Variants in ARID1B observed in about 807,000 individuals in gnomAD.
ARID1B encodes AT-rich interactive domain-containing protein 1B.
ARID1B carries 30 observed loss-of-function variants against 212.3 expected under a neutral mutation model. That is an observed-to-expected ratio of 0.14 (90% CI 0.11 to 0.19). The LOEUF (loss-of-function observed/expected upper bound fraction) is 0.19, where lower values mean the gene tolerates loss of function less well. Among genes scored for constraint, ARID1B ranks in the 10% least tolerant of loss-of-function variants. The probability of loss-of-function intolerance (pLI) is 1.00; values close to 1 mark genes in which losing one functional copy is unlikely to be tolerated. For missense variants in ARID1B, 2,891 were observed against 3,204.0 expected, an observed-to-expected ratio of 0.90 and a Z score of 2.36; for synonymous variants, 1,402 against 1,301.7, an observed-to-expected ratio of 1.08 and a Z score of -1.66.
intron 4 of ARID1B, among the ~76,000 whole-genome samples, chr6:157,005,132 T>TTTGTTGTTG (rs150174504): frequency 1.3e-4 from 20 of 148,942 alleles, no homozygotes; most frequent in East Asian, 9.9e-4. Flanking sequence ...CAGGCTGTTT[T>TTTGTTGTTG]TTGTTGTTGT....
chr6:156,836,473 A>G (rs1783519958), intron 2 of ARID1B, among the ~76,000 whole-genome samples: 2 of 152,258 alleles, frequency 1.3e-5, no homozygotes, highest in South Asian at 4.2e-4. Context: ...CAAAGGAATG[A>G]AATGGGCCCA....
At chr6:157,056,278 C>CT (rs538142438) in intron 4 of ARID1B, among the ~76,000 whole-genome samples, 9 of 151,958 alleles carry the variant, frequency 5.9e-5, no homozygotes, top group African/African-American at 1.2e-4. Flanking sequence ...ATACAAAGGT[C>CT]TTTTTTTTAC....
intron 1 of ARID1B, among the ~76,000 whole-genome samples, chr6:156,800,603 CAAATA>C (rs1780709197): frequency 6.6e-6 from 1 of 151,888 alleles, no homozygotes; most frequent in South Asian, 2.1e-4. Context: ...GAAAAAAAAG[CAAATA>C]AAATAAATTA....
intron 7 of ARID1B, among the ~76,000 whole-genome samples, chr6:157,144,133 A>G (rs1355684476): frequency 6.6e-6 from 1 of 152,236 alleles, no homozygotes; most frequent in Non-Finnish European, 1.5e-5. Flanking sequence ...GAGGTAGGGT[A>G]CAGAGTAACT....
chr6:156,974,700 A>G (rs1777120555), intron 4 of ARID1B, among the ~76,000 whole-genome samples: 1 of 152,232 alleles, frequency 6.6e-6, no homozygotes, highest in Admixed American at 6.5e-5. Context: ...ACATGGAACA[A>G]TAGAATTTAT....
At chr6:157,184,735 G>C (rs548718450) in intron 13 of ARID1B, 2 of 429,092 alleles carry the variant, frequency 4.7e-6, no homozygotes, top group East Asian at 9.5e-5. Context: ...GCTTATACAA[G>C]TATTCAAAAA....
At chr6:157,116,911 G>C (rs1787353481) in intron 6 of ARID1B, among the ~76,000 whole-genome samples, 1 of 152,166 alleles carries the variant, frequency 6.6e-6, no homozygotes, top group African/African-American at 2.4e-5. Context: ...AACATTAGGT[G>C]AGCTGGGCGA....
At chr6:157,106,617 A>G (rs1786501521) in intron 5 of ARID1B, among the ~76,000 whole-genome samples, 1 of 152,210 alleles carries the variant, frequency 6.6e-6, no homozygotes, top group Non-Finnish European at 1.5e-5. Flanking sequence ...AGGGAGTTTA[A>G]TTATATCTGC....
Position 156,778,877 on chromosome 6 carries a change from A to G in ARID1B, c.1197A>G (p.Gly399=), listed in dbSNP as rs1778919846. 2 of 1,380,372 alleles carry G rather than the reference A, an allele frequency of 1.4e-6. No homozygotes were observed. The highest frequency in any genetic ancestry group is 3.2e-5 in the Admixed American group (1 of 31,102). 85.5% of individuals were successfully genotyped at this position (1,380,372 alleles called of 1,614,324 possible). ...AGGGGGGGGG[G]GGGSGGGGGG... ...GCGGCGGCGGCGGCGGCGGCGGAGG[A>G]GGAGGAGGCAGCGGAGGAGGAGGAG... Residue 399 remains glycine, a synonymous_variant, in exon 1 of 20, where the codon GGA becomes GGG. Coordinates refer to ENST00000636930, the MANE Select transcript of ARID1B (RefSeq NM_001374828.1).
intron 3 of ARID1B, among the ~76,000 whole-genome samples, chr6:156,919,422 A>G (rs1032293709): frequency 3.9e-5 from 6 of 152,102 alleles, no homozygotes; most frequent in African/African-American, 1.4e-4. Flanking sequence ...AAAACCAGGA[A>G]GTGAGGAATT....
intron 1 of ARID1B, among the ~76,000 whole-genome samples, chr6:156,789,506 A>G (rs1482349233): frequency 6.6e-6 from 1 of 152,244 alleles, no homozygotes; most frequent in Non-Finnish European, 1.5e-5. Flanking sequence ...ATTAAGGACA[A>G]GTAAACATGC....
At chr6:157,003,153 A>G (rs1467707932) in intron 4 of ARID1B, among the ~76,000 whole-genome samples, 3 of 152,222 alleles carry the variant, frequency 2.0e-5, no homozygotes, top group Non-Finnish European at 4.4e-5. Context: ...AGAGGAAGCC[A>G]TTGGAAAGAG....
Position 157,174,091 on chromosome 6 carries a change from A to G in ARID1B, c.3319A>G (p.Thr1107Ala). 6.2e-7 allele frequency: 1 copy of G among 1,614,006 alleles called. No homozygotes were observed. The highest frequency in any genetic ancestry group is 8.5e-7 in the Non-Finnish European group (1 of 1,179,962). ...PLKADGKEEG[T>A]PQPESKSKDS... ...CAAAGCAGACGGCAAAGAAGAAGGC[A>G]CTCCACAGCCCGAGAGCAAGTCAAA... Residue 1107 changes from threonine (T) to alanine (A), a missense_variant, in exon 10 of 20, where the codon ACT becomes GCT. Coordinates refer to ENST00000636930, the MANE Select transcript of ARID1B (RefSeq NM_001374828.1).
At chr6:156,999,203 T>C (rs1287140672) in intron 4 of ARID1B, among the ~76,000 whole-genome samples, 1 of 152,210 alleles carries the variant, frequency 6.6e-6, no homozygotes, top group East Asian at 1.9e-4. Flanking sequence ...ACTGTAATGG[T>C]CAGTACATTA....
chr6:156,950,269 A>T (rs1372403587), intron 4 of ARID1B, among the ~76,000 whole-genome samples: 1 of 152,228 alleles, frequency 6.6e-6, no homozygotes, highest in Non-Finnish European at 1.5e-5. Context: ...AACTCCTTAC[A>T]TTGCTCAAAG....
At chr6:156,883,514 T>C (rs2128172888) in intron 2 of ARID1B, among the ~76,000 whole-genome samples, 1 of 152,320 alleles carries the variant, frequency 6.6e-6, no homozygotes, top group African/African-American at 2.4e-5. Context: ...TTCTGAGCTT[T>C]ACTTCCTTCT....
intron 4 of ARID1B, among the ~76,000 whole-genome samples, chr6:156,983,439 G>A (rs549708184): frequency 6.6e-6 from 1 of 152,290 alleles, no homozygotes; most frequent in South Asian, 2.1e-4. Flanking sequence ...GAGGCCTCCT[G>A]TGTGAGCTGG....
intron 7 of ARID1B, among the ~76,000 whole-genome samples, chr6:157,145,185 G>A (rs190245060): frequency 1.2e-3 from 185 of 152,260 alleles, no homozygotes; most frequent in Middle Eastern, 6.8e-3. Context: ...ACTTGACCAG[G>A]TCTTACTTGC....
chr6:156,884,648 G>A (rs531883784), intron 2 of ARID1B, among the ~76,000 whole-genome samples: 5 of 152,328 alleles, frequency 3.3e-5, no homozygotes, highest in Middle Eastern at 3.4e-3. Context: ...CGCTAAGGAG[G>A]TGGCTGCCAT....
Sources: allele counts gnomAD v4.1 joint callset (sites outside exome capture counted in the v4.1 genomes callset), GRCh38; gene constraint gnomAD v4.1.1; transcripts MANE v1.5; gene names NCBI Gene and HGNC (gene_info 2026-07-23, HGNC 2026-07-21).